The following INSL6 variants were observed in gnomAD, a reference collection of about 807,000 sequenced individuals.
INSL6 encodes insulin like 6.
INSL6 carries 16 observed loss-of-function variants against 9.4 expected under a neutral mutation model. The observed-to-expected ratio is 1.70, with a 90% CI of 1.15 to 2.59. The LOEUF is 2.59. Ranked by LOEUF, INSL6 falls within the 30% of genes most tolerant of loss-of-function variation. The probability of loss-of-function intolerance (pLI) is 0.00; values close to 1 mark genes in which losing one functional copy is unlikely to be tolerated. For missense variants in INSL6, 391 were observed against 257.3 expected (o/e 1.52, Z -3.56); for synonymous variants, 154 against 96.9 (o/e 1.59, Z -3.46).
chr9:5,021,574 C>T, the INSL6 span, among the ~76,000 whole-genome samples: 2 of 152,182 alleles, frequency 1.3e-5, no homozygotes, highest in African/African-American at 4.8e-5. Flanking sequence ...AGCAGTCCTT[C>T]TTTGTGTATG....
At chr9:5,119,358 CCTTT>C (rs1442278020), downstream of INSL6, among the ~76,000 whole-genome samples, 1 of 151,686 alleles carries the variant, frequency 6.6e-6, no homozygotes, top group African/African-American at 2.4e-5. Flanking sequence ...TTCCAAGGTT[CCTTT>C]CTAATTTTAA....
the INSL6 span, among the ~76,000 whole-genome samples, chr9:5,104,739 C>G: frequency 6.6e-6 from 1 of 152,192 alleles, no homozygotes; most frequent in Non-Finnish European, 1.5e-5. Context: ...CCCTAGGATG[C>G]AAGGCTGGTT....
At chr9:5,089,196 G>C in the INSL6 span, among the ~76,000 whole-genome samples, 1 of 152,102 alleles carries the variant, frequency 6.6e-6, no homozygotes, top group African/African-American at 2.4e-5. Flanking sequence ...CCCACCTGTT[G>C]AGATAGTATT....
intron 3 of INSL6, among the ~76,000 whole-genome samples, chr9:5,125,381 A>G (rs907426806): frequency 1.3e-5 from 2 of 151,398 alleles, no homozygotes; most frequent in African/African-American, 4.8e-5. Context: ...ATGTTTTCTA[A>G]TTGCTGAGTA....
chr9:5,084,918 A>G, the INSL6 span: 2 of 527,868 alleles, frequency 3.8e-6, no homozygotes, highest in African/African-American at 1.9e-5. Flanking sequence ...TTATCTGCAC[A>G]TGAAGCAAAC....
At chr9:5,108,191 A>AT in the INSL6 span, 7 of 152,098 alleles carry the variant, frequency 4.6e-5, no homozygotes, top group Non-Finnish European at 7.4e-5. Flanking sequence ...CACCCCCACA[A>AT]AAAAGCTCTA....
chr9:5,036,518 T>C, the INSL6 span, among the ~76,000 whole-genome samples: 27 of 152,074 alleles, frequency 1.8e-4, no homozygotes, highest in Non-Finnish European at 1.8e-4. Context: ...GGTACTGGTA[T>C]CAAAACAGAG....
downstream of INSL6, among the ~76,000 whole-genome samples, chr9:5,122,269 G>C (rs1156351500): frequency 6.6e-6 from 1 of 152,048 alleles, no homozygotes; most frequent in Non-Finnish European, 1.5e-5. Context: ...CAGTCCACTA[G>C]GCCAAAACGT....
At chr9:4,998,878 T>G in the INSL6 span, among the ~76,000 whole-genome samples, 278 of 152,256 alleles carry the variant, frequency 1.8e-3, 1 homozygote, top group African/African-American at 6.2e-3. Flanking sequence ...TCACCCAGGC[T>G]GTAGTGCAGT....
At chr9:5,085,434 C>A in the INSL6 span, 2 of 745,406 alleles carry the variant, frequency 2.7e-6, no homozygotes, top group Middle Eastern at 4.8e-4. Flanking sequence ...CTATCAGGCT[C>A]GCAGTATTCT....
At chr9:5,078,889 G>A in the INSL6 span, among the ~76,000 whole-genome samples, 1 of 152,032 alleles carries the variant, frequency 6.6e-6, no homozygotes, top group South Asian at 2.1e-4. Flanking sequence ...AAAAAACTTT[G>A]ATTTGTGTTT....
At chr9:5,094,337 C>G in the INSL6 span, 1 of 152,210 alleles carries the variant, frequency 6.6e-6, no homozygotes, top group African/African-American at 2.4e-5. Flanking sequence ...TTCTGGACTC[C>G]CCTTCCTATA....
the INSL6 span, chr9:5,090,350 CAT>C: frequency 1.3e-5 from 12 of 894,716 alleles, no homozygotes; most frequent in South Asian, 3.9e-5. Context: ...TCTTAGATTT[CAT>C]ATATGTTTAA....
At chr9:5,057,707 C>T in the INSL6 span, among the ~76,000 whole-genome samples, 2 of 151,558 alleles carry the variant, frequency 1.3e-5, no homozygotes, top group Non-Finnish European at 2.9e-5. Flanking sequence ...CTCAGCCTCC[C>T]GATAGCTGGG....
At chr9:5,124,707 A>G (rs1023378389) in intron 3 of INSL6, among the ~76,000 whole-genome samples, 4 of 151,826 alleles carry the variant, frequency 2.6e-5, no homozygotes, top group African/African-American at 9.7e-5. Flanking sequence ...TATAAAAAAC[A>G]AACACATAGA....
downstream of INSL6, among the ~76,000 whole-genome samples, chr9:5,163,561 T>C (rs537647853): frequency 3.3e-4 from 51 of 152,306 alleles, no homozygotes; most frequent in South Asian, 9.3e-3. Context: ...CTAACAGTCA[T>C]GGGCATCAGT....
the INSL6 span, among the ~76,000 whole-genome samples, chr9:5,004,948 G>A: frequency 7.2e-6 from 1 of 139,344 alleles, no homozygotes; most frequent in East Asian, 2.0e-4. Flanking sequence ...ACAGAGTCTT[G>A]CTCTGTTGCC....
the INSL6 span, chr9:5,112,058 T>A: frequency 5.0e-6 from 2 of 399,168 alleles, no homozygotes; most frequent in South Asian, 3.7e-5. Context: ...ACGACGGGGG[T>A]CTCCACGGCC....
At position 5,133,943 on chromosome 9, in the gene INSL6, C is replaced by T. The variant is rs150659426; in HGVS notation, c.377-351G>A. Among the ~76,000 whole-genome samples the T allele has an allele frequency of 2.2e-3, 332 of 150,418 alleles. 2 individuals carry two copies. Among genetic ancestry groups the T allele is most frequent in the Middle Eastern group, 3.4e-3 (1 of 294 alleles). On this transcript the variant is annotated intron_variant, in intron 2 of 3. Coordinates refer to the INSL6 transcript ENST00000649639. ...TAACCCAATGCAAGGAAGCTAAGAACACTGAAAAAAGGTTAGACAAATTGC... is the reference window on the plus strand; with the variant it reads ...TAACCCAATGCAAGGAAGCTAAGAATACTGAAAAAAGGTTAGACAAATTGC...
Sources: gnomAD v4.1 joint callset for allele counts (sites outside exome capture counted in the v4.1 genomes callset) on GRCh38, gnomAD v4.1.1 for gene constraint, MANE v1.5 for transcripts, NCBI Gene and HGNC (gene_info 2026-07-23, HGNC 2026-07-21) for gene names.